The following MACO1 variants were observed in gnomAD, a reference collection of about 807,000 sequenced individuals.
MACO1 encodes macoilin.
MACO1 carries 14 observed loss-of-function variants against 78.7 expected under a neutral mutation model. The ratio of observed to expected loss-of-function variants is 0.18; its 90% CI spans 0.12 to 0.28. The LOEUF is 0.28. Ranked by LOEUF, MACO1 falls within the 10% of genes least tolerant of loss-of-function variation. The pLI is 1.00. For synonymous variants in MACO1, 288 were observed against 291.6 expected (o/e 0.99, Z 0.12); for missense variants, 501 against 799.0 (o/e 0.63, Z 4.50).
intron 1 of MACO1, among the ~76,000 whole-genome samples, chr1:25,443,666 G>A (rs560103631): frequency 6.6e-5 from 10 of 152,362 alleles, no homozygotes; most frequent in South Asian, 2.1e-4. Context: ...TAAAAAGTAC[G>A]TATTCAACAG....
At chr1:25,448,709 C>A in intron 2 of MACO1, 99 bp from the exon 3 acceptor site, 1 of 1,118,230 alleles carries the variant, frequency 8.9e-7, no homozygotes, top group Non-Finnish European at 1.2e-6. Flanking sequence ...TATCTCTTAG[C>A]AGTTTCAATA....
chr1:25,444,992 C>T (rs1466464548), intron 1 of MACO1, among the ~76,000 whole-genome samples: 1 of 151,566 alleles, frequency 6.6e-6, no homozygotes, highest in African/African-American at 2.4e-5. Context: ...TGAAATGAAA[C>T]TAAAAGGTGG....
intron 1 of MACO1, among the ~76,000 whole-genome samples, chr1:25,441,037 C>T (rs116713393): frequency 3.7e-4 from 57 of 152,270 alleles, no homozygotes; most frequent in African/African-American, 1.1e-3. Context: ...GCAGAAGCTG[C>T]ATTGGTTATC....
At position 25,431,080 on chromosome 1, in the gene MACO1, C is replaced by G. The variant is rs1228904066; in HGVS notation, c.-19C>G. ...GAGACGGCGGCGGCGGCGCGGGCAC[C>G]CGGCCCCCCAGCGGGAGGATGAAGC... On this transcript the variant is annotated 5_prime_UTR_variant, in exon 1 of 11. Transcript: ENST00000374343. 1 of 1,570,696 alleles carries G rather than the reference C, an allele frequency of 6.4e-7. No homozygotes were observed. Among genetic ancestry groups the G allele is most frequent in the African/African-American group, 1.4e-5 (1 of 71,820 alleles).
rs1303883838 is a variant in MACO1 at position 25,454,490 on chromosome 1, T to TATATATATATATA, written c.473+108_473+109insATATATATATATA. On this transcript the variant is annotated intron_variant, in intron 4 of 10. Coordinates refer to ENST00000374343, the MANE Select transcript of MACO1 (RefSeq NM_018202.6). The stretch of plus-strand genomic sequence containing the variant: ...TGTGTGTATATATATATATATATAT[T>TATATATATATATA]TTTTTTTTTTTTAGACGGAGTCTTG... 39 of 139,412 alleles carry TATATATATATATA rather than the reference T, an allele frequency of 2.8e-4. No homozygotes were observed. The South Asian group carries it at 4.5e-3, about 16-fold the overall frequency. The allele number at this position is 139,412 out of a possible 1,614,324, so 8.6% of individuals were successfully genotyped here.
intron 10 of MACO1, among the ~76,000 whole-genome samples, chr1:25,494,242 G>A (rs779565727): frequency 1.4e-4 from 22 of 152,206 alleles, no homozygotes; most frequent in Admixed American, 7.2e-4. Context: ...AAAAGTAGAG[G>A]CATGAGGTAG....
chr1:25,489,804 AAGTTACAGT>A (rs1229075812), intron 9 of MACO1, among the ~76,000 whole-genome samples: 10 of 152,204 alleles, frequency 6.6e-5, no homozygotes, highest in African/African-American at 1.4e-4. Flanking sequence ...ATATATTGTA[AAGTTACAGT>A]AATTTGAGCC....
chr1:25,480,823 C>T (rs1020116657), intron 6 of MACO1, among the ~76,000 whole-genome samples: 9 of 148,934 alleles, frequency 6.0e-5, no homozygotes, highest in African/African-American at 1.7e-4. Flanking sequence ...CCCGGCTACT[C>T]GGGAGGCTGA....
chr1:25,482,830 T>C (rs573356091), intron 6 of MACO1, among the ~76,000 whole-genome samples: 3 of 152,198 alleles, frequency 2.0e-5, no homozygotes, highest in South Asian at 2.1e-4. Context: ...CCCATAGTTG[T>C]ACAGATTATA....
chr1:25,458,014 A>AT (rs2043137394), intron 5 of MACO1, among the ~76,000 whole-genome samples: 1 of 152,232 alleles, frequency 6.6e-6, no homozygotes, highest in Non-Finnish European at 1.5e-5. Context: ...TTAAAAAAAT[A>AT]TGACTTCTTA....
chr1:25,486,007 A>G (rs1405132895), intron 8 of MACO1, among the ~76,000 whole-genome samples: 1 of 152,198 alleles, frequency 6.6e-6, no homozygotes, highest in East Asian at 1.9e-4. Flanking sequence ...CCTCATCTAT[A>G]AAGTGGGATG....
intron 6 of MACO1, among the ~76,000 whole-genome samples, chr1:25,477,591 T>C (rs2043333579): frequency 6.6e-6 from 1 of 152,144 alleles, no homozygotes; most frequent in Admixed American, 6.5e-5. Context: ...TATCTTTAGG[T>C]GGTTTTCTGG....
chr1:25,431,110 G>C lies in MACO1; in HGVS notation c.12G>C (p.Arg4=). 6.3e-7 allele frequency: 1 copy of C among 1,593,734 alleles called. No homozygotes were observed. The highest frequency in any genetic ancestry group is 8.5e-7 in the Non-Finnish European group (1 of 1,172,676). Residue 4 remains arginine, a synonymous_variant, in exon 1 of 11, where the codon CGG becomes CGC. Coordinates refer to ENST00000374343, the MANE Select transcript of MACO1 (RefSeq NM_018202.6). MKR[R]NADCSKLRRP... ...CCCCCAGCGGGAGGATGAAGCGGCG[G>C]AACGCCGACTGCAGTAAGCTCCGCC...
chr1:25,496,707 A>C (rs1039302142), intron 10 of MACO1, among the ~76,000 whole-genome samples: 20 of 152,194 alleles, frequency 1.3e-4, no homozygotes, highest in Admixed American at 1.2e-3. Flanking sequence ...AATGGAAAAA[A>C]AAAAAGGGTA....
chr1:25,471,690 T>C (rs1283189145), intron 6 of MACO1, among the ~76,000 whole-genome samples: 1 of 152,194 alleles, frequency 6.6e-6, no homozygotes, highest in African/African-American at 2.4e-5. Context: ...AGTAATTTTA[T>C]CACAGTGCAA....
chr1:25,486,853 A>C (rs1046190410), intron 8 of MACO1, among the ~76,000 whole-genome samples: 1 of 152,152 alleles, frequency 6.6e-6, no homozygotes, highest in Admixed American at 6.5e-5. Context: ...CCTGCCTACA[A>C]TGTGGGATTG....
intron 3 of MACO1, among the ~76,000 whole-genome samples, chr1:25,452,308 G>C (rs575119525): frequency 6.6e-6 from 1 of 152,030 alleles, no homozygotes; most frequent in Non-Finnish European, 1.5e-5. Flanking sequence ...TAAATATCCC[G>C]TTATTAGTCA....
At chr1:25,465,895 A>G (rs2124592992) in intron 6 of MACO1, among the ~76,000 whole-genome samples, 1 of 152,336 alleles carries the variant, frequency 6.6e-6, no homozygotes, top group South Asian at 2.1e-4. Context: ...TGTTTCACTT[A>G]AGATAATGAC....
chr1:25,482,298 C>T (rs2043386109), intron 6 of MACO1, among the ~76,000 whole-genome samples: 1 of 152,136 alleles, frequency 6.6e-6, no homozygotes, highest in Non-Finnish European at 1.5e-5. Context: ...GTAATAACTA[C>T]AAAATTATTG....
Sources: allele counts gnomAD v4.1 joint callset (sites outside exome capture counted in the v4.1 genomes callset), GRCh38; gene constraint gnomAD v4.1.1; transcripts MANE v1.5; gene names NCBI Gene and HGNC (gene_info 2026-07-23, HGNC 2026-07-21).